The following CDH4 variants were observed in gnomAD, a reference collection of about 807,000 sequenced individuals.
CDH4 encodes cadherin 4, also known as cadherin-4.
CDH4 carries 33 observed loss-of-function variants against 86.0 expected under a neutral mutation model. The ratio of observed to expected loss-of-function variants is 0.38; its 90% CI spans 0.29 to 0.51. The LOEUF (loss-of-function observed/expected upper bound fraction) is 0.51, where lower values mean the gene tolerates loss of function less well. CDH4 is among the 20% of genes least tolerant of loss of function. The pLI is 0.86. For missense variants in CDH4, 1,114 were observed against 1,307.4 expected (o/e 0.85, Z 2.28); for synonymous variants, 555 against 549.4 (o/e 1.01, Z -0.14).
At chr20:61,834,319 C>A (rs1165233942) in intron 4 of CDH4, among the ~76,000 whole-genome samples, 2 of 152,322 alleles carry the variant, frequency 1.3e-5, no homozygotes, top group East Asian at 3.9e-4. Flanking sequence ...GGATCTGGGG[C>A]CTGGGGTCTG....
At chr20:61,321,328 G>A (rs1211367839) in intron 2 of CDH4, among the ~76,000 whole-genome samples, 1 of 152,164 alleles carries the variant, frequency 6.6e-6, no homozygotes, top group East Asian at 1.9e-4. Context: ...GGCGAGGCAG[G>A]TTCTGCTAAT....
intron 4 of CDH4, among the ~76,000 whole-genome samples, chr20:61,843,901 C>T (rs1458132136): frequency 2.6e-5 from 4 of 152,214 alleles, no homozygotes; most frequent in African/African-American, 9.6e-5. Flanking sequence ...CCTCCCCCAA[C>T]TTCCCTGAGG....
At chr20:61,613,077 G>A (rs1332024996) in intron 2 of CDH4, among the ~76,000 whole-genome samples, 2 of 152,076 alleles carry the variant, frequency 1.3e-5, no homozygotes, top group Non-Finnish European at 2.9e-5. Flanking sequence ...GGCTTCTCCT[G>A]CCCCTGCCGA....
intron 2 of CDH4, among the ~76,000 whole-genome samples, chr20:61,735,467 G>C (rs2088251030): frequency 6.6e-6 from 1 of 152,140 alleles, no homozygotes; most frequent in African/African-American, 2.4e-5. Context: ...GCAGGTACAG[G>C]AAGGTGCCTG....
intron 8 of CDH4, among the ~76,000 whole-genome samples, chr20:61,904,452 G>A (rs1236583458): frequency 1.3e-5 from 2 of 152,132 alleles, no homozygotes; most frequent in African/African-American, 4.8e-5. Context: ...TGAAACACCT[G>A]CCTGGGCTGG....
At chr20:61,836,688 C>G (rs12625673) in intron 4 of CDH4, among the ~76,000 whole-genome samples, 2 of 151,968 alleles carry the variant, frequency 1.3e-5, no homozygotes, top group Non-Finnish European at 2.9e-5. Flanking sequence ...AAGTGAGAAC[C>G]CTTACTTGGC....
At chr20:61,716,813 C>G (rs2087960771) in intron 2 of CDH4, among the ~76,000 whole-genome samples, 1 of 152,176 alleles carries the variant, frequency 6.6e-6, no homozygotes, top group Non-Finnish European at 1.5e-5. Flanking sequence ...GAGGCTGAAG[C>G]AGGAGAATTG....
intron 2 of CDH4, among the ~76,000 whole-genome samples, chr20:61,508,980 G>C (rs1434897058): frequency 6.6e-6 from 1 of 151,644 alleles, no homozygotes; most frequent in Non-Finnish European, 1.5e-5. Flanking sequence ...TCTCTCCCAG[G>C]CCTCGCCCAG....
intron 2 of CDH4, among the ~76,000 whole-genome samples, chr20:61,365,699 CA>C (rs1254039469): frequency 6.6e-6 from 1 of 152,080 alleles, no homozygotes; most frequent in South Asian, 2.1e-4. Flanking sequence ...CAGAGTCCAG[CA>C]CAGCAGAGAG....
chr20:61,893,002 A>T (rs1487480608), intron 7 of CDH4, among the ~76,000 whole-genome samples: 1 of 74,420 alleles, frequency 1.3e-5, no homozygotes, highest in African/African-American at 5.4e-5. Context: ...GAGTAGAGGG[A>T]TGGTGGATGG....
chr20:61,587,508 G>A (rs1004605934), intron 2 of CDH4, among the ~76,000 whole-genome samples: 18 of 152,152 alleles, frequency 1.2e-4, no homozygotes, highest in Non-Finnish European at 2.4e-4. Flanking sequence ...GGGTCATCCC[G>A]TCGGAAACTG....
chr20:61,848,643 A>C (rs1401300272), intron 5 of CDH4, among the ~76,000 whole-genome samples: 3 of 152,118 alleles, frequency 2.0e-5, no homozygotes, highest in Non-Finnish European at 4.4e-5. Flanking sequence ...CTCCTGCCTC[A>C]GCCTCCCAGG....
At chr20:61,847,115 C>G (rs1439188086) in intron 5 of CDH4, among the ~76,000 whole-genome samples, 1 of 152,200 alleles carries the variant, frequency 6.6e-6, no homozygotes, top group Non-Finnish European at 1.5e-5. Context: ...AGCTGGCCCT[C>G]CCTGCATCAT....
rs948650045 is a variant in CDH4, at chr20:61,807,725, G to A, written c.576+34543G>A. 2.0e-5 allele frequency among the ~76,000 whole-genome samples: 3 copies of A among 152,222 alleles called. No homozygotes were observed. Among genetic ancestry groups the A allele is most frequent in the Non-Finnish European group, 2.9e-5 (2 of 68,046 alleles). The stretch of plus-strand genomic sequence containing the variant: ...ACTCAAACGGTGTGATGAACAAACC[G>A]ACTCGGAAAATGCCTGGCGCCAGTA... On this transcript the variant is annotated intron_variant, in intron 4 of 15. Transcript: ENST00000614565. This position sits in a 1 kb window ranked among gnomAD's most constrained non-coding sequence, Gnocchi z 4.5.
At chr20:61,569,934 C>A (rs1188723080) in intron 2 of CDH4, among the ~76,000 whole-genome samples, 1 of 152,124 alleles carries the variant, frequency 6.6e-6, no homozygotes, top group African/African-American at 2.4e-5. Flanking sequence ...AATTGAGGGC[C>A]TCATTCGAAA....
intron 2 of CDH4, among the ~76,000 whole-genome samples, chr20:61,596,525 G>A (rs545584522): frequency 6.6e-6 from 1 of 152,316 alleles, no homozygotes; most frequent in African/African-American, 2.4e-5. Context: ...TGCTCATCCT[G>A]GTCCCCAATG....
At chr20:61,282,947 C>CGT (rs879208462) in intron 2 of CDH4, among the ~76,000 whole-genome samples, 375 of 23,376 alleles carry the variant, frequency 0.016, 38 homozygotes, top group African/African-American at 0.035. Context: ...TGTGCTGTGG[C>CGT]GTGTGATGTA....
chr20:61,418,502 C>T (rs376083713), intron 2 of CDH4, among the ~76,000 whole-genome samples: 13 of 152,284 alleles, frequency 8.5e-5, no homozygotes, highest in African/African-American at 2.9e-4. Context: ...TGAGCCACCG[C>T]GCCTGGCCAA....
chr20:61,853,827 G>T (rs1982857172), intron 6 of CDH4, among the ~76,000 whole-genome samples: 1 of 152,200 alleles, frequency 6.6e-6, no homozygotes, highest in Admixed American at 6.5e-5. Context: ...TCCTGCATGG[G>T]GGGTGGAGAG....
Sources: gnomAD v4.1 joint callset for allele counts (sites outside exome capture counted in the v4.1 genomes callset) on GRCh38, gnomAD v4.1.1 for gene constraint, Gnocchi (gnomAD v3.1) non-coding constraint, MANE v1.5 for transcripts, NCBI Gene and HGNC (gene_info 2026-07-23, HGNC 2026-07-21) for gene names.